Variants in LRRC4C observed in about 807,000 individuals in gnomAD.
The protein encoded by LRRC4C is leucine rich repeat containing 4C.
LRRC4C carries 5 observed loss-of-function variants against 33.6 expected under a neutral mutation model. The observed-to-expected ratio is 0.15, with a 90% CI of 0.08 to 0.31. The LOEUF (loss-of-function observed/expected upper bound fraction) is 0.31. Among genes scored for constraint, LRRC4C ranks in the 10% least tolerant of loss-of-function variants. The probability of loss-of-function intolerance (pLI) is 1.00; values close to 1 mark genes in which losing one functional copy is unlikely to be tolerated. For missense variants in LRRC4C, 560 were observed against 796.7 expected (o/e 0.70, Z 3.58); for synonymous variants, 329 against 302.0 (o/e 1.09, Z -0.93).
chr11:41,077,772 C>G (rs1939264574), intron 1 of LRRC4C, among the ~76,000 whole-genome samples: 1 of 152,184 alleles, frequency 6.6e-6, no homozygotes, highest in African/African-American at 2.4e-5. Flanking sequence ...ATTTCTTCTC[C>G]AGAAAATGGG....
chr11:40,219,393 G>A (rs1864237024), intron 5 of LRRC4C, among the ~76,000 whole-genome samples: 1 of 152,104 alleles, frequency 6.6e-6, no homozygotes, highest in African/African-American at 2.4e-5. Flanking sequence ...ATCCACCCAT[G>A]TCTACCCTAC....
intron 2 of LRRC4C, among the ~76,000 whole-genome samples, chr11:40,787,300 A>C (rs1383932379): frequency 6.6e-6 from 1 of 152,042 alleles, no homozygotes; most frequent in Non-Finnish European, 1.5e-5. Flanking sequence ...ACAAGGGAGG[A>C]GAAAGGGATC....
chr11:41,309,582 A>G (rs1330854730), intron 1 of LRRC4C, among the ~76,000 whole-genome samples: 1 of 152,220 alleles, frequency 6.6e-6, no homozygotes, highest in African/African-American at 2.4e-5. Flanking sequence ...CTACTGTCAA[A>G]TCTGAATTGA....
At chr11:40,644,543 A>C (rs1942323313) in intron 3 of LRRC4C, among the ~76,000 whole-genome samples, 1 of 152,240 alleles carries the variant, frequency 6.6e-6, no homozygotes, top group Non-Finnish European at 1.5e-5. Context: ...CAGGTAAATA[A>C]TTAAACAAAC....
chr11:40,434,249 G>A (rs1951052036), intron 3 of LRRC4C, among the ~76,000 whole-genome samples: 1 of 152,068 alleles, frequency 6.6e-6, no homozygotes, highest in Admixed American at 6.6e-5. Flanking sequence ...AAATATTCCA[G>A]GCAGACACAA....
At chr11:40,937,435 A>G (rs184320998) in intron 1 of LRRC4C, among the ~76,000 whole-genome samples, 4 of 152,258 alleles carry the variant, frequency 2.6e-5, no homozygotes, top group Non-Finnish European at 4.4e-5. Context: ...CCTTGTAATA[A>G]ATCTGCACAT....
intron 1 of LRRC4C, among the ~76,000 whole-genome samples, chr11:41,322,769 T>C (rs1317987097): frequency 4.6e-5 from 7 of 152,190 alleles, no homozygotes; most frequent in Non-Finnish European, 1.0e-4. Context: ...CTGATCATCA[T>C]AGTTACTCAG....
chr11:40,464,056 C>A (rs2138214818), intron 3 of LRRC4C, among the ~76,000 whole-genome samples: 1 of 151,998 alleles, frequency 6.6e-6, no homozygotes, highest in South Asian at 2.1e-4. Flanking sequence ...CAGACCGACA[C>A]CCCTGATAAA....
chr11:40,177,207 C>T (rs531303603), intron 5 of LRRC4C, among the ~76,000 whole-genome samples: 1 of 151,890 alleles, frequency 6.6e-6, no homozygotes, highest in East Asian at 1.9e-4. Context: ...CCCACCTCGG[C>T]CTCCCAAAGT....
At chr11:40,404,394 T>G (rs1348664844) in intron 3 of LRRC4C, among the ~76,000 whole-genome samples, 10 of 152,168 alleles carry the variant, frequency 6.6e-5, no homozygotes, top group African/African-American at 2.4e-4. Context: ...AAATAGTGCA[T>G]AATATATGCA....
In LRRC4C at chr11:40,401,161, A is replaced by C. The variant is rs1949743166; in HGVS notation, c.-269-81440T>G. Among the ~76,000 whole-genome samples, 3 of 129,852 alleles carry C rather than the reference A, an allele frequency of 2.3e-5. No homozygotes were observed. In the South Asian group the frequency reaches 8.1e-4, roughly 35 times the overall value. The allele number at this position is 129,852 out of a possible 152,430, so 85.2% of individuals were successfully genotyped here. On this transcript the variant is annotated intron_variant, in intron 3 of 6. Coordinates refer to ENST00000528697, the MANE Select transcript of LRRC4C (RefSeq NM_001258419.2). The stretch of plus-strand genomic sequence containing the variant: ...ACACATGGTGAGCAGGAATAGGCTT[A>C]ATTATTAAAAAAAAAATTTCCTGAT...
At chr11:41,215,797 T>C (rs868138481) in intron 1 of LRRC4C, among the ~76,000 whole-genome samples, 10 of 152,230 alleles carry the variant, frequency 6.6e-5, no homozygotes, top group African/African-American at 2.4e-4. Context: ...GGGGCTATTA[T>C]AAATGATGCT....
chr11:40,442,055 T>C (rs570915961), intron 3 of LRRC4C, among the ~76,000 whole-genome samples: 1 of 144,070 alleles, frequency 6.9e-6, no homozygotes, highest in South Asian at 2.2e-4. Context: ...CTCAGCTACT[T>C]GGGAGGCTGA....
chr11:40,245,999 T>A (rs1272048176), intron 4 of LRRC4C, among the ~76,000 whole-genome samples: 1 of 145,752 alleles, frequency 6.9e-6, no homozygotes, highest in East Asian at 2.0e-4. Context: ...TGAGATGGAG[T>A]TTTTGCTCTT....
At chr11:41,431,714 A>G (rs551425270) in intron 1 of LRRC4C, among the ~76,000 whole-genome samples, 38 of 152,064 alleles carry the variant, frequency 2.5e-4, no homozygotes, top group Non-Finnish European at 2.1e-4. Flanking sequence ...TCTCTTGAGG[A>G]CTGATAGAAC....
At chr11:40,197,900 A>G (rs925324506) in intron 5 of LRRC4C, among the ~76,000 whole-genome samples, 1 of 152,200 alleles carries the variant, frequency 6.6e-6, no homozygotes, top group Non-Finnish European at 1.5e-5. Context: ...TTAAGCACCT[A>G]TTATGTGCCA....
intron 3 of LRRC4C, among the ~76,000 whole-genome samples, chr11:40,395,575 A>G (rs1446657480): frequency 6.6e-6 from 1 of 152,184 alleles, no homozygotes; most frequent in East Asian, 1.9e-4. Context: ...TTGCATAGGT[A>G]TACAGACTTG....
chr11:40,219,947 C>T (rs1228927063), intron 5 of LRRC4C, among the ~76,000 whole-genome samples: 1 of 152,124 alleles, frequency 6.6e-6, no homozygotes, highest in Non-Finnish European at 1.5e-5. Flanking sequence ...TGTTAACTTG[C>T]TTCTTTGTAG....
At chr11:40,240,390 C>A in intron 5 of LRRC4C, among the ~76,000 whole-genome samples, 1 of 152,144 alleles carries the variant, frequency 6.6e-6, no homozygotes, top group East Asian at 1.9e-4. Context: ...ACGCAGACAG[C>A]TTCCGTCTAT....
Sources: allele counts gnomAD v4.1 joint callset (sites outside exome capture counted in the v4.1 genomes callset), GRCh38; gene constraint gnomAD v4.1.1; transcripts MANE v1.5; gene names NCBI Gene and HGNC (gene_info 2026-07-23, HGNC 2026-07-21).